EPHA4: variants seen among roughly 807,000 people sequenced by gnomAD.
The protein encoded by EPHA4 is ephrin type-A receptor 4.
A neutral mutation model predicts 108.3 loss-of-function variants in EPHA4; 19 were observed. The ratio of observed to expected loss-of-function variants is 0.18; its 90% confidence interval spans 0.12 to 0.26. The LOEUF (loss-of-function observed/expected upper bound fraction) is 0.26, where lower values mean the gene tolerates loss of function less well. Ranked by LOEUF, EPHA4 falls within the 10% of genes least tolerant of loss-of-function variation. The pLI, the probability that EPHA4 is intolerant of heterozygous loss-of-function variation, is 1.00. For synonymous variants in EPHA4, 449 were observed against 455.5 expected, an observed-to-expected ratio of 0.99 and a Z score of 0.18; for missense variants, 917 against 1,254.0, an observed-to-expected ratio of 0.73 and a Z score of 4.06.
chr2:221,531,870 A>G (rs1305479367), intron 3 of EPHA4, among the ~76,000 whole-genome samples: 1 of 152,218 alleles, frequency 6.6e-6, no homozygotes, highest in Non-Finnish European at 1.5e-5. Flanking sequence ...AGAGAACGTG[A>G]GAGTCTTTAA....
intron 3 of EPHA4, among the ~76,000 whole-genome samples, chr2:221,545,978 C>T (rs1445516542): frequency 2.0e-5 from 3 of 152,250 alleles, no homozygotes; most frequent in South Asian, 2.1e-4. Flanking sequence ...TCCTTTATAC[C>T]TCATCCCCAG....
chr2:221,485,525 T>G (rs898973340), intron 4 of EPHA4, among the ~76,000 whole-genome samples: 5 of 152,104 alleles, frequency 3.3e-5, no homozygotes, highest in African/African-American at 9.7e-5. Context: ...GCCTCGAAAT[T>G]GGAGTATAAC....
chr2:221,544,951 C>A (rs1693946006), intron 3 of EPHA4, among the ~76,000 whole-genome samples: 1 of 152,162 alleles, frequency 6.6e-6, no homozygotes, highest in African/African-American at 2.4e-5. Flanking sequence ...AAAAACCAAC[C>A]CTGATGAACC....
intron 4 of EPHA4, among the ~76,000 whole-genome samples, chr2:221,484,102 A>C (rs931928068): frequency 6.6e-6 from 1 of 152,242 alleles, no homozygotes; most frequent in Non-Finnish European, 1.5e-5. Context: ...GGAAATTAGT[A>C]CAAGTTTCTC....
chr2:221,431,605 G>C (rs1673710515), intron 14 of EPHA4, among the ~76,000 whole-genome samples: 2 of 152,154 alleles, frequency 1.3e-5, no homozygotes, highest in South Asian at 4.1e-4. Flanking sequence ...CACTACGTCA[G>C]TTTGATCACC....
chr2:221,548,902 G>T (rs987598098), intron 3 of EPHA4, among the ~76,000 whole-genome samples: 3 of 152,104 alleles, frequency 2.0e-5, no homozygotes, highest in African/African-American at 7.2e-5. Flanking sequence ...GCAGGTTTTG[G>T]CCTGTCAAAA....
intron 11 of EPHA4, among the ~76,000 whole-genome samples, chr2:221,439,251 A>G (rs1690338525): frequency 6.6e-6 from 1 of 151,704 alleles, no homozygotes. Flanking sequence ...GTGTCTGCAC[A>G]TTCTCTATCA....
intron 4 of EPHA4, among the ~76,000 whole-genome samples, chr2:221,493,121 T>TA (rs1348967488): frequency 6.6e-6 from 1 of 152,208 alleles, no homozygotes; most frequent in Non-Finnish European, 1.5e-5. Flanking sequence ...AGTCTTTCAC[T>TA]AGAGCTAACT....
At chr2:221,563,219 A>G (rs1270820197) in intron 3 of EPHA4, among the ~76,000 whole-genome samples, 2 of 152,214 alleles carry the variant, frequency 1.3e-5, no homozygotes, top group Non-Finnish European at 2.9e-5. Context: ...ACCGGTCCAC[A>G]AGGCAGAAAG....
intron 14 of EPHA4, among the ~76,000 whole-genome samples, chr2:221,432,630 C>G (rs2106094965): frequency 6.6e-6 from 1 of 150,866 alleles, no homozygotes; most frequent in Admixed American, 6.6e-5. Context: ...GAGTGCATTT[C>G]TCTATTGCAC....
At chr2:221,499,845 C>T (rs1692439400) in intron 4 of EPHA4, among the ~76,000 whole-genome samples, 1 of 145,082 alleles carries the variant, frequency 6.9e-6, no homozygotes, top group Non-Finnish European at 1.5e-5. Context: ...GCAACCTCTG[C>T]CTCCTGGGTT....
chr2:221,514,271 A>G (rs1180011399), intron 3 of EPHA4, among the ~76,000 whole-genome samples: 1 of 152,120 alleles, frequency 6.6e-6, no homozygotes, highest in African/African-American at 2.4e-5. Flanking sequence ...TGAGCCTTTC[A>G]TAGGACCACA....
rs1689635914 is a variant in EPHA4 at position 221,418,218 on chromosome 2, T to A, written c.*3154A>T. 6.6e-6 allele frequency: 1 copy of A among 152,632 alleles called. No individual in the cohort carries two copies. Among genetic ancestry groups the A allele is most frequent in the South Asian group, 2.1e-4 (1 of 4,828 alleles). 9.5% of individuals were successfully genotyped at this position (152,632 alleles called of 1,614,324 possible). A position where few individuals can be genotyped will look rare whatever the true frequency, so the allele number is the denominator to read the frequency against. ...TAAAACAAAATAGAAAATCTATGTC[T>A]AACTCCAGAAATCACTCAAAGTTTG... is the stretch of plus-strand genomic sequence containing the variant. On this transcript the variant is annotated 3_prime_UTR_variant, in exon 18 of 18. Transcript: ENST00000281821.
chr2:221,520,913 C>A (rs1242782032), intron 3 of EPHA4, among the ~76,000 whole-genome samples: 1 of 152,200 alleles, frequency 6.6e-6, no homozygotes, highest in Non-Finnish European at 1.5e-5. Flanking sequence ...ACTACACATT[C>A]AATAAGTCTT....
At chr2:221,566,963 GGAAGAGGAA>G (rs1694680381) in intron 2 of EPHA4, among the ~76,000 whole-genome samples, 1 of 10,632 alleles carries the variant, frequency 9.4e-5, no homozygotes, top group African/African-American at 2.9e-4. Flanking sequence ...AAGGGGAAGA[GGAAGAGGAA>G]GAAGAAGAAG....
intron 3 of EPHA4, among the ~76,000 whole-genome samples, chr2:221,557,380 A>G (rs558537096): frequency 6.6e-6 from 1 of 151,530 alleles, no homozygotes; most frequent in African/African-American, 2.4e-5. Context: ...CCATATTTCT[A>G]TCTAACAACA....
intron 5 of EPHA4, among the ~76,000 whole-genome samples, chr2:221,481,546 C>A (rs971998700): frequency 1.3e-5 from 2 of 151,852 alleles, no homozygotes. Flanking sequence ...CCCAGCTACT[C>A]GGGAGGCTGA....
intron 3 of EPHA4, among the ~76,000 whole-genome samples, chr2:221,518,045 G>A (rs145641847): frequency 0.011 from 1,738 of 152,334 alleles, 18 homozygotes; most frequent in Non-Finnish European, 0.015. Flanking sequence ...TGTGGGCAGC[G>A]CAGTGTTGTT....
At chr2:221,447,030 T>C (rs1690614448) in intron 8 of EPHA4, among the ~76,000 whole-genome samples, 1 of 152,300 alleles carries the variant, frequency 6.6e-6, no homozygotes, top group Admixed American at 6.5e-5. Context: ...ATCTCTCTTA[T>C]ACAAACTGGA....
Sources: allele counts gnomAD v4.1 joint callset (sites outside exome capture counted in the v4.1 genomes callset), GRCh38; gene constraint gnomAD v4.1.1; transcripts MANE v1.5; gene names NCBI Gene and HGNC (gene_info 2026-07-23, HGNC 2026-07-21).